The following ERBB4 variants were observed in gnomAD, a reference collection of about 807,000 sequenced individuals.
The protein encoded by ERBB4 is erb-b2 receptor tyrosine kinase 4.
ERBB4 carries 42 observed loss-of-function variants against 158.0 expected under a neutral mutation model. That is an observed-to-expected ratio of 0.27 (90% CI 0.21 to 0.34). The LOEUF is 0.34. Ranked by LOEUF, ERBB4 falls within the 10% of genes least tolerant of loss-of-function variation. The pLI, the probability that ERBB4 is intolerant of heterozygous loss-of-function variation, is 1.00. For synonymous variants in ERBB4, 583 were observed against 558.7 expected (o/e 1.04, Z -0.61); for missense variants, 1,333 against 1,624.1 (o/e 0.82, Z 3.08).
At chr2:211,809,787 G>GTTGATT (rs2076706714) in intron 3 of ERBB4, among the ~76,000 whole-genome samples, 1 of 152,130 alleles carries the variant, frequency 6.6e-6, no homozygotes, top group Admixed American at 6.5e-5. Context: ...ATGTTAGGGT[G>GTTGATT]TTGATTTTAG....
chr2:212,404,130 G>C (rs1201014172), intron 1 of ERBB4, among the ~76,000 whole-genome samples: 1 of 151,978 alleles, frequency 6.6e-6, no homozygotes, highest in African/African-American at 2.4e-5. Flanking sequence ...CATGAGGGAA[G>C]AGAGAAAAGC....
chr2:211,737,775 G>A (rs1052257139), intron 5 of ERBB4, among the ~76,000 whole-genome samples: 3 of 152,126 alleles, frequency 2.0e-5, no homozygotes, highest in Admixed American at 6.5e-5. Flanking sequence ...GTATTGTTAA[G>A]TAATCGATGA....
intron 2 of ERBB4, among the ~76,000 whole-genome samples, chr2:212,000,551 G>T (rs191666048): frequency 6.6e-6 from 1 of 151,728 alleles, no homozygotes; most frequent in Non-Finnish European, 1.5e-5. Context: ...GCAAATAACT[G>T]CGTTAGAATT....
chr2:212,465,244 T>C (rs1688774240), intron 1 of ERBB4, among the ~76,000 whole-genome samples: 4 of 152,124 alleles, frequency 2.6e-5, no homozygotes, highest in South Asian at 4.1e-4. Flanking sequence ...TCAAGAATGA[T>C]AAATTTTCAT....
chr2:211,672,896 T>C (rs1384314897), intron 14 of ERBB4, among the ~76,000 whole-genome samples: 1 of 152,306 alleles, frequency 6.6e-6, no homozygotes, highest in African/African-American at 2.4e-5. Context: ...TTCTTTTCTA[T>C]ACTGTGCAAT....
chr2:212,068,305 G>A (rs2078003666), intron 2 of ERBB4, among the ~76,000 whole-genome samples: 1 of 151,900 alleles, frequency 6.6e-6, no homozygotes, highest in African/African-American at 2.4e-5. Flanking sequence ...TCTAAGTGCT[G>A]GTCACAAAAA....
At chr2:211,446,500 A>G (rs1445346149) in intron 20 of ERBB4, among the ~76,000 whole-genome samples, 3 of 152,194 alleles carry the variant, frequency 2.0e-5, no homozygotes, top group African/African-American at 7.2e-5. Flanking sequence ...AGTTTTCTAT[A>G]TGTAAAGTCT....
intron 1 of ERBB4, among the ~76,000 whole-genome samples, chr2:212,378,149 T>C (rs1344829465): frequency 1.3e-5 from 2 of 151,788 alleles, no homozygotes; most frequent in Non-Finnish European, 2.9e-5. Context: ...GCAATAGAAA[T>C]TGTTTGGCTC....
At chr2:211,394,967 T>C (rs1574404827) in intron 25 of ERBB4, among the ~76,000 whole-genome samples, 1 of 152,062 alleles carries the variant, frequency 6.6e-6, no homozygotes, top group Non-Finnish European at 1.5e-5. Context: ...AAAAGAAGAA[T>C]AGGGGTATAG....
chr2:212,189,484 C>T (rs967163356), intron 1 of ERBB4, among the ~76,000 whole-genome samples: 2 of 152,096 alleles, frequency 1.3e-5, no homozygotes, highest in African/African-American at 2.4e-5. Flanking sequence ...TCTGATCCAC[C>T]TTCAAATGAT....
chr2:212,267,439 A>G (rs1174157416), intron 1 of ERBB4, among the ~76,000 whole-genome samples: 1 of 151,870 alleles, frequency 6.6e-6, no homozygotes, highest in Non-Finnish European at 1.5e-5. Flanking sequence ...CTATATTTGA[A>G]TAGGTCTAGG....
intron 20 of ERBB4, among the ~76,000 whole-genome samples, chr2:211,534,667 G>A (rs932903252): frequency 6.6e-6 from 1 of 151,974 alleles, no homozygotes; most frequent in African/African-American, 2.4e-5. Flanking sequence ...TAAATTTTCG[G>A]TTAAATCATT....
chr2:211,972,866 C>A (rs2081493651), intron 2 of ERBB4, among the ~76,000 whole-genome samples: 1 of 152,164 alleles, frequency 6.6e-6, no homozygotes, highest in African/African-American at 2.4e-5. Flanking sequence ...ATGATGAAGG[C>A]ACCCACAGCA....
intron 2 of ERBB4, among the ~76,000 whole-genome samples, chr2:212,053,168 G>A (rs967378757): frequency 1.3e-5 from 2 of 152,196 alleles, no homozygotes; most frequent in Admixed American, 1.3e-4. Flanking sequence ...GGGAAAGAGT[G>A]AGGCCGTGTC....
At chr2:212,373,811 C>T (rs924600876) in intron 1 of ERBB4, among the ~76,000 whole-genome samples, 1 of 112,334 alleles carries the variant, frequency 8.9e-6, no homozygotes, top group Non-Finnish European at 1.8e-5. Context: ...ATATATATAT[C>T]CATGTATATA....
At position 211,723,515 on chromosome 2, in the gene ERBB4, C is replaced by T. The variant is rs189240845; in HGVS notation, c.742-981G>A. Among the ~76,000 whole-genome samples the T allele has an allele frequency of 7.2e-5, 11 of 152,060 alleles. No individual in the cohort carries two copies. In the East Asian group the frequency reaches 2.1e-3, roughly 29 times the overall value. ...TTTATTCTGTTTCCTCAAAACATTG[C>T]TTCATCAATTGTTGTTTTAGCAAGC... On this transcript the variant is annotated intron_variant, in intron 6 of 27. Transcript: ENST00000342788.
At chr2:212,470,035 A>G (rs1317212061) in intron 1 of ERBB4, among the ~76,000 whole-genome samples, 1 of 152,156 alleles carries the variant, frequency 6.6e-6, no homozygotes, top group Non-Finnish European at 1.5e-5. Flanking sequence ...TGAAAATTCT[A>G]TTGTACATAC....
intron 2 of ERBB4, among the ~76,000 whole-genome samples, chr2:212,090,142 C>CA (rs1432271267): frequency 6.6e-6 from 1 of 152,176 alleles, no homozygotes; most frequent in East Asian, 1.9e-4. Context: ...AACAGACACT[C>CA]AGTCTAGAAG....
intron 1 of ERBB4, among the ~76,000 whole-genome samples, chr2:212,428,145 A>G (rs1028130582): frequency 3.9e-5 from 6 of 152,174 alleles, no homozygotes; most frequent in African/African-American, 1.2e-4. Context: ...TTATTAAGCT[A>G]TGGATTCAAG....
Sources: gnomAD v4.1 joint callset for allele counts (sites outside exome capture counted in the v4.1 genomes callset) on GRCh38, gnomAD v4.1.1 for gene constraint, MANE v1.5 for transcripts, NCBI Gene and HGNC (gene_info 2026-07-23, HGNC 2026-07-21) for gene names.